HK2: variants seen among roughly 807,000 people sequenced by gnomAD.
HK2 encodes the protein hexokinase-2.
In HK2, 42 loss-of-function variants were observed where a neutral mutation model predicts 92.9. That is an observed-to-expected ratio of 0.45 (90% confidence interval 0.35 to 0.58). The LOEUF is 0.58. Ranked by LOEUF, HK2 falls within the 20% of genes least tolerant of loss-of-function variation. The probability of loss-of-function intolerance (pLI) is 0.00; values close to 1 mark genes in which losing one functional copy is unlikely to be tolerated. For missense variants in HK2, 978 were observed against 1,245.1 expected (o/e 0.79, Z 3.23); for synonymous variants, 422 against 468.0 (o/e 0.90, Z 1.27).
intron 10 of HK2, 83 bp downstream of exon 10, chr2:74,880,652 G>C: frequency 7.3e-7 from 1 of 1,362,580 alleles, no homozygotes; most frequent in Non-Finnish European, 1.0e-6. Context: ...CTTAGCATTA[G>C]CATTGGACAT....
intron 3 of HK2, among the ~76,000 whole-genome samples, chr2:74,871,056 G>A (rs6732614): frequency 0.71 from 107,177 of 152,020 alleles, 38,802 homozygotes; most frequent in African/African-American, 0.89. Flanking sequence ...ATAAATGTAA[G>A]AACTTTCTGT....
rs534221626 is a variant in HK2, at chr2:74,891,128, TAAATAGAGTTCC to T, written c.*193_*204del. Reference sequence around the variant, plus strand: ...GTGGCTGAGCTTGGCCCTATTAAGATAAATAGAGTTCCAAATAAGGATTTGTTCACATGCATC... The same window carrying T: ...GTGGCTGAGCTTGGCCCTATTAAGATAAATAAGGATTTGTTCACATGCATC... On this transcript the variant is annotated 3_prime_UTR_variant, in exon 18 of 18. Transcript: ENST00000290573. The T allele has an allele frequency of 8.0e-6, 5 of 628,440 alleles. No individual in the cohort carries two copies. Among genetic ancestry groups the T allele is most frequent in the Non-Finnish European group, 1.4e-5 (5 of 361,380 alleles). 38.9% of individuals were successfully genotyped at this position (628,440 alleles called of 1,614,324 possible). A position where few individuals can be genotyped will look rare whatever the true frequency, so the allele number is the denominator to read the frequency against.
In HK2 at chr2:74,841,458, G is replaced by C. The variant is rs537617308; in HGVS notation, c.63+6815G>C. On this transcript the variant is annotated intron_variant, in intron 1 of 17. Coordinates refer to ENST00000290573, the MANE Select transcript of HK2 (RefSeq NM_000189.5). ...TTGAGAAACTGCTTTAGAAGAACAT[G>C]GTCCATCCCTGCCACCCCCTTCAGT... 7.2e-4 allele frequency among the ~76,000 whole-genome samples: 109 copies of C among 152,246 alleles called. 2 individuals carry two copies. In the Middle Eastern group the frequency reaches 0.014, roughly 19 times the overall value.
At chr2:74,867,988 A>G (rs1689000800) in intron 3 of HK2, 1 of 597,200 alleles carries the variant, frequency 1.7e-6, no homozygotes, top group Non-Finnish European at 3.1e-6. Context: ...ACTCAGTATT[A>G]AAAGGAGTGA....
In HK2 at chr2:74,875,209, C is replaced by A. The variant is rs116090649; in HGVS notation, c.875+760C>A. 4.1e-3 allele frequency among the ~76,000 whole-genome samples: 618 copies of A among 152,128 alleles called. 4 individuals are homozygous for A. Among genetic ancestry groups the A allele is most frequent in the Non-Finnish European group, 6.2e-3 (422 of 68,008 alleles). On this transcript the variant is annotated intron_variant, in intron 7 of 17. Transcript: ENST00000290573. ...GCAAAATATTTTGAGCAATACAGATCATCTCTGGTCTTGTGACTGTTGTAG... is the reference window on the plus strand; with the variant it reads ...GCAAAATATTTTGAGCAATACAGATAATCTCTGGTCTTGTGACTGTTGTAG...
chr2:74,875,653 A>G (rs538035883), intron 7 of HK2, among the ~76,000 whole-genome samples: 1 of 152,256 alleles, frequency 6.6e-6, no homozygotes, highest in South Asian at 2.1e-4. Context: ...TTGTCAAAGC[A>G]TGGTTTATTT....
At position 74,886,591 on chromosome 2, in the gene HK2, G is replaced by A. The variant is rs752790212; in HGVS notation, c.2137G>A (p.Gly713Arg). 4 of 1,614,032 alleles carry A rather than the reference G, an allele frequency of 2.5e-6. No individual in the cohort carries two copies. The highest frequency in any genetic ancestry group is 8.5e-7 in the Non-Finnish European group (1 of 1,180,016). Reference sequence around the variant, plus strand: ...TGTGAACATGGAATGGGGGGCCTTCGGGGACAATGGATGCCTAGATGACTT... The same window carrying A: ...TGTGAACATGGAATGGGGGGCCTTCAGGGACAATGGATGCCTAGATGACTT... ...MCVNMEWGAF[G>R]DNGCLDDFRT... is the part of the protein sequence containing the mutation. Residue 713 changes from glycine to arginine, a missense_variant, in exon 15 of 18, where the codon GGG (glycine) becomes AGG (arginine). Physicochemically the swap from Gly to Arg is moderately radical, Grantham distance 125. Around this residue, in one of 3 missense-constraint regions of HK2, gnomAD observed 742 missense variants for 922.5 expected, o/e 0.80. Coordinates refer to ENST00000290573, the MANE Select transcript of HK2 (RefSeq NM_000189.5).
chr2:74,877,446 A>C lies in HK2; in HGVS notation c.1031+125A>C, dbSNP rs775858636. ...ATAGACTGCAAGAGGGTCTCACATG[A>C]CGTGGACCATGGCGGGCCTGTGGCT... is the stretch of plus-strand genomic sequence containing the variant. On this transcript the variant is annotated intron_variant, in intron 8 of 17. Transcript: ENST00000290573. 4.7e-5 allele frequency: 51 copies of C among 1,083,850 alleles called. No individual in the cohort carries two copies. The Middle Eastern group carries it at 1.3e-3, about 27-fold the overall frequency. 67.1% of individuals were successfully genotyped at this position (1,083,850 alleles called of 1,614,324 possible). A position where few individuals can be genotyped will look rare whatever the true frequency, so the allele number is the denominator to read the frequency against.
At chr2:74,870,131 C>T (rs915684892) in intron 3 of HK2, among the ~76,000 whole-genome samples, 1 of 151,840 alleles carries the variant, frequency 6.6e-6, no homozygotes, top group Non-Finnish European at 1.5e-5. Context: ...TCCTCAGCCT[C>T]CCGAGTAGCT....
intron 2 of HK2, among the ~76,000 whole-genome samples, chr2:74,866,509 C>T (rs565787390): frequency 6.6e-6 from 1 of 152,332 alleles, no homozygotes; most frequent in African/African-American, 2.4e-5. Flanking sequence ...TTCCGCGCCT[C>T]TTCAGCACTT....
intron 8 of HK2, among the ~76,000 whole-genome samples, 171 bp from the exon 9 acceptor site, chr2:74,878,517 C>G (rs1689293436): frequency 6.6e-6 from 1 of 151,990 alleles, no homozygotes; most frequent in African/African-American, 2.4e-5. Context: ...TTTTGCACCC[C>G]CTTCCTCCTC....
rs781053032 is a variant in HK2, at chr2:74,854,367, G to C, written c.138G>C (p.Glu46Asp). Residue 46 changes from glutamate (E) to aspartate (D), a missense_variant, in exon 2 of 18, where the codon GAG becomes GAC. By Grantham distance (45) the Glu-to-Asp change is conservative. Transcript: ENST00000290573. ...AGATCTCTAAGCGGTTCCGCAAGGA[G>C]ATGGAGAAAGGGCTTGGAGCCACCA... Reference protein sequence around the residue: ...LLEISKRFRKEMEKGLGATTH... With the variant: ...LLEISKRFRKDMEKGLGATTH... 3 of 1,613,974 alleles carry C rather than the reference G, an allele frequency of 1.9e-6. No homozygotes were observed. The African/African-American group carries it at 4.0e-5, about 22-fold the overall frequency.
chr2:74,877,251 G>T lies in HK2; in HGVS notation c.961G>T (p.Gly321Trp), dbSNP rs772842318. Reference sequence around the variant, plus strand: ...GATGGCCAAGGAGGAGCTGCTCTTTGGGGGGAAGCTCAGCCCAGAGCTTCT... The same window carrying T: ...GATGGCCAAGGAGGAGCTGCTCTTTTGGGGGAAGCTCAGCCCAGAGCTTCT... The part of the protein sequence containing the change: ...VKMAKEELLF[G>W]GKLSPELLNT... The change falls in exon 8 of 18, where the codon GGG becomes TGG. Residue 321 changes from glycine (G) to tryptophan (W), a missense_variant. Physicochemically the swap from Gly to Trp is radical, Grantham distance 184. Around this residue, in one of 3 missense-constraint regions of HK2, gnomAD observed 742 missense variants for 922.5 expected, o/e 0.80. Coordinates refer to ENST00000290573, the MANE Select transcript of HK2 (RefSeq NM_000189.5). 7 of 1,613,996 alleles carry T rather than the reference G, an allele frequency of 4.3e-6. No homozygotes were observed. Among genetic ancestry groups the T allele is most frequent in the Admixed American group, 3.3e-5 (2 of 59,994 alleles).
intron 16 of HK2, among the ~76,000 whole-genome samples, chr2:74,888,795 C>T (rs1420457807): frequency 2.0e-5 from 3 of 152,012 alleles, no homozygotes; most frequent in Non-Finnish European, 4.4e-5. Flanking sequence ...ACACTTCCTT[C>T]GTAAATAGCA....
rs145476477 is a variant in HK2 at position 74,870,752 on chromosome 2, A to T, written c.376-1548A>T. 1.9e-3 allele frequency among the ~76,000 whole-genome samples: 289 copies of T among 152,288 alleles called. 1 individual carries two copies. The highest frequency in any genetic ancestry group is 6.6e-3 in the African/African-American group (276 of 41,560). On this transcript the variant is annotated intron_variant, in intron 3 of 17. Coordinates refer to ENST00000290573, the MANE Select transcript of HK2 (RefSeq NM_000189.5). The stretch of plus-strand genomic sequence containing the variant: ...AAAATACTTGAACTCTGTTCAAGGG[A>T]GTTGGCTCACCTGCACTGGTGATCC...
intron 3 of HK2, 79 bp downstream of exon 3, chr2:74,867,863 T>C: frequency 1.3e-6 from 2 of 1,535,530 alleles, no homozygotes; most frequent in South Asian, 1.1e-5. Flanking sequence ...CTCCAGCCGC[T>C]CCCAGCGTGT....
At chr2:74,879,548 G>T (rs1054567279) in intron 9 of HK2, among the ~76,000 whole-genome samples, 2 of 152,206 alleles carry the variant, frequency 1.3e-5, no homozygotes, top group Admixed American at 6.5e-5. Flanking sequence ...AAACTCGAGT[G>T]TGCACGTGAA....
rs1403700723 is a variant in HK2 at position 74,892,707 on chromosome 2, A to T, written c.*1766A>T. Reference sequence around the variant, plus strand: ...TGAACCTGGTTTTTGTATATTTATCAAACTTGTGCTGAGAATAGTGTCTGA... The same window carrying T: ...TGAACCTGGTTTTTGTATATTTATCTAACTTGTGCTGAGAATAGTGTCTGA... On this transcript the variant is annotated 3_prime_UTR_variant, in exon 18 of 18. Coordinates refer to ENST00000290573, the MANE Select transcript of HK2 (RefSeq NM_000189.5). 6.6e-6 allele frequency: 1 copy of T among 152,236 alleles called. No individual in the cohort carries two copies. The highest frequency in any genetic ancestry group is 1.5e-5 in the Non-Finnish European group (1 of 68,048). The allele number at this position is 152,236 out of a possible 1,614,324, so 9.4% of individuals were successfully genotyped here. A position where few individuals can be genotyped will look rare whatever the true frequency, so the allele number is the denominator to read the frequency against.
intron 2 of HK2, among the ~76,000 whole-genome samples, chr2:74,864,806 C>A (rs1331161192): frequency 6.6e-6 from 1 of 152,252 alleles, no homozygotes; most frequent in East Asian, 1.9e-4. Flanking sequence ...CACACCCAGC[C>A]TGTGTGTTTC....
Sources: gnomAD v4.1 joint callset for allele counts (sites outside exome capture counted in the v4.1 genomes callset) on GRCh38, gnomAD v4.1.1 for gene constraint, gnomAD v4.1.1 regional missense constraint, MANE v1.5 for transcripts, NCBI Gene and HGNC (gene_info 2026-07-23, HGNC 2026-07-21) for gene names.